The following MCC variants were observed in gnomAD, a reference collection of about 807,000 sequenced individuals.
The protein encoded by MCC is colorectal mutant cancer protein.
In MCC, 90 loss-of-function variants were observed where a neutral mutation model predicts 116.2. The observed-to-expected ratio is 0.77, with a 90% CI of 0.65 to 0.92. MCC has a LOEUF of 0.92. MCC is among the 40% of genes least tolerant of loss of function. The pLI, the probability that MCC is intolerant of heterozygous loss-of-function variation, is 0.00. For synonymous variants in MCC, 578 were observed against 510.5 expected (o/e 1.13, Z -1.78); for missense variants, 1,516 against 1,312.2 (o/e 1.16, Z -2.40).
intron 1 of MCC, among the ~76,000 whole-genome samples, chr5:113,419,460 G>C (rs1770254500): frequency 6.6e-6 from 1 of 151,804 alleles, no homozygotes; most frequent in Non-Finnish European, 1.5e-5. Context: ...AGCTCCCAAA[G>C]TGCTGGGATT....
chr5:113,460,111 T>C (rs897760326), intron 1 of MCC, among the ~76,000 whole-genome samples: 6 of 152,192 alleles, frequency 3.9e-5, no homozygotes, highest in African/African-American at 1.4e-4. Flanking sequence ...TATAAAGTGT[T>C]AATACCTAAA....
intron 14 of MCC, among the ~76,000 whole-genome samples, chr5:113,058,062 G>C (rs1345919511): frequency 1.3e-5 from 2 of 152,108 alleles, no homozygotes; most frequent in Non-Finnish European, 2.9e-5. Context: ...AAATTATTTT[G>C]AAAACTTTCA....
intron 5 of MCC, 91 bp from the exon 6 acceptor site, chr5:113,122,917 G>T: frequency 1.5e-6 from 2 of 1,367,594 alleles, no homozygotes; most frequent in Non-Finnish European, 1.0e-6. Context: ...AAAAGACATT[G>T]AGAGAGAAAA....
intron 3 of MCC, chr5:113,323,357 G>C (rs1439286797): frequency 6.6e-6 from 1 of 152,278 alleles, no homozygotes; most frequent in African/African-American, 2.4e-5. Flanking sequence ...ATACAGAAGA[G>C]AGGTGGGTGA....
intron 3 of MCC, among the ~76,000 whole-genome samples, chr5:113,264,835 G>T (rs1765361967): frequency 6.6e-6 from 1 of 152,148 alleles, no homozygotes; most frequent in African/African-American, 2.4e-5. Flanking sequence ...CTGAGGTTAG[G>T]AGTTTGAGAC....
chr5:113,248,595 A>C (rs1037980189), intron 3 of MCC, among the ~76,000 whole-genome samples: 2 of 152,130 alleles, frequency 1.3e-5, no homozygotes, highest in Non-Finnish European at 2.9e-5. Flanking sequence ...CTGCTTCCCA[A>C]ATTTCCCTAG....
At chr5:113,301,862 G>A (rs1766869812) in intron 3 of MCC, among the ~76,000 whole-genome samples, 1 of 152,196 alleles carries the variant, frequency 6.6e-6, no homozygotes, top group African/African-American at 2.4e-5. Flanking sequence ...GATCATGTCA[G>A]AGCCAAATCG....
chr5:113,170,541 T>G (rs1263853159), intron 3 of MCC, among the ~76,000 whole-genome samples: 3 of 152,040 alleles, frequency 2.0e-5, no homozygotes, highest in African/African-American at 7.2e-5. Context: ...GAAGCTAATA[T>G]TTACTCTACC....
chr5:113,294,889 C>G lies in MCC; in HGVS notation c.627+45630G>C, dbSNP rs375480930. 215 of 985,508 alleles carry G rather than the reference C, an allele frequency of 2.2e-4. 1 individual carries two copies. The African/African-American group carries it at 3.5e-3, about 16-fold the overall frequency. 61.0% of individuals were successfully genotyped at this position (985,508 alleles called of 1,614,324 possible). A position where few individuals can be genotyped will look rare whatever the true frequency, so the allele number is the denominator to read the frequency against. ...GAAAGAAAGCTAGAGGGAGCCGGAG[C>G]GGAGCTGCACTTCACGCCGAAGTTT... On this transcript the variant is annotated intron_variant, in intron 3 of 18. Coordinates refer to ENST00000408903, the MANE Select transcript of MCC (RefSeq NM_001085377.2).
In MCC at chr5:113,312,406, A is replaced by G. The variant is rs183513022; in HGVS notation, c.627+28113T>C. On this transcript the variant is annotated intron_variant, in intron 3 of 18. Transcript: ENST00000408903. Reference sequence around the variant, plus strand: ...TAAGGAACATTTCTTTAAGGAAGAGATGTCTGACCTAAGATCTGGAAGACA... The same window carrying G: ...TAAGGAACATTTCTTTAAGGAAGAGGTGTCTGACCTAAGATCTGGAAGACA... 3.5e-4 allele frequency among the ~76,000 whole-genome samples: 54 copies of G among 152,326 alleles called. 1 individual carries two copies. Among genetic ancestry groups the G allele is most frequent in the Admixed American group, 9.1e-4 (14 of 15,304 alleles).
chr5:113,477,818 A>G (rs1304366791), intron 1 of MCC, among the ~76,000 whole-genome samples: 1 of 152,228 alleles, frequency 6.6e-6, no homozygotes, highest in African/African-American at 2.4e-5. Context: ...CTCAACTGCA[A>G]GCCACAACAA....
At chr5:113,363,055 G>A (rs143029334) in intron 2 of MCC, among the ~76,000 whole-genome samples, 4,788 of 152,036 alleles carry the variant, frequency 0.031, 243 homozygotes, top group African/African-American at 0.11. Context: ...AGAGGCGGGC[G>A]GATCACAAGG....
intron 1 of MCC, among the ~76,000 whole-genome samples, chr5:113,479,071 C>T (rs937142163): frequency 2.6e-5 from 4 of 152,060 alleles, no homozygotes; most frequent in Non-Finnish European, 5.9e-5. Context: ...CTAGATACAA[C>T]CTAAATGTCC....
At chr5:113,309,654 T>C (rs986175317) in intron 3 of MCC, among the ~76,000 whole-genome samples, 9 of 152,248 alleles carry the variant, frequency 5.9e-5, no homozygotes, top group Admixed American at 4.6e-4. Flanking sequence ...GTTTATTCCA[T>C]ATCTTCATGA....
intron 1 of MCC, among the ~76,000 whole-genome samples, chr5:113,418,258 A>G (rs1212609226): frequency 6.6e-6 from 1 of 152,036 alleles, no homozygotes; most frequent in Non-Finnish European, 1.5e-5. Flanking sequence ...AAAACTTAAA[A>G]GTATAATAAT....
In MCC at chr5:113,071,191, T is replaced by A. The variant is rs1158123619; in HGVS notation, c.1828A>T (p.Thr610Ser). 5.0e-6 allele frequency: 8 copies of A among 1,613,992 alleles called. No individual in the cohort carries two copies. Among genetic ancestry groups the A allele is most frequent in the Non-Finnish European group, 6.8e-6 (8 of 1,180,018 alleles). The change falls in exon 12 of 19, where the codon ACC (threonine) becomes TCC (serine). Residue 610 changes from threonine (T) to serine (S), a missense_variant. Physicochemically the swap from Thr to Ser is moderately conservative, Grantham distance 58 (BLOSUM62 1). Coordinates refer to ENST00000408903, the MANE Select transcript of MCC (RefSeq NM_001085377.2). ...LKSQNDLLTI[T>S]LEECKSNAER... The stretch of plus-strand genomic sequence containing the variant: ...GCATTGCTTTTACATTCCTCCAAGG[T>A]TATGGTCAGGAGGTCATTTTGGGAT...
chr5:113,094,565 C>T (rs1040271882), intron 8 of MCC, among the ~76,000 whole-genome samples: 43 of 152,010 alleles, frequency 2.8e-4, no homozygotes, highest in African/African-American at 1.0e-3. Context: ...GAATTACAGG[C>T]GCCCACCACC....
chr5:113,123,959 T>A (rs1436606697), intron 5 of MCC, among the ~76,000 whole-genome samples: 2 of 152,152 alleles, frequency 1.3e-5, no homozygotes, highest in Non-Finnish European at 2.9e-5. Context: ...TGAGTGGCGA[T>A]CATTAGGGTT....
intron 2 of MCC, among the ~76,000 whole-genome samples, chr5:113,376,941 G>T (rs1284469077): frequency 6.6e-6 from 1 of 152,072 alleles, no homozygotes; most frequent in African/African-American, 2.4e-5. Flanking sequence ...CCAATTCCCA[G>T]GACTTCTGTG....
Sources: gnomAD v4.1 joint callset for allele counts (sites outside exome capture counted in the v4.1 genomes callset) on GRCh38, gnomAD v4.1.1 for gene constraint, MANE v1.5 for transcripts, NCBI Gene and HGNC (gene_info 2026-07-23, HGNC 2026-07-21) for gene names.